RBM47: variants seen among roughly 807,000 people sequenced by gnomAD.
RBM47 encodes RNA binding motif protein 47.
A neutral mutation model predicts 47.1 loss-of-function variants in RBM47; 21 were observed. That is an observed-to-expected ratio of 0.45 (90% confidence interval 0.32 to 0.64). The LOEUF is 0.64. RBM47 is among the 30% of genes least tolerant of loss of function. The pLI is 0.05. For synonymous variants in RBM47, 375 were observed against 361.7 expected (o/e 1.04, Z -0.42); for missense variants, 708 against 870.9 (o/e 0.81, Z 2.35).
At position 40,584,234 on chromosome 4, in the gene RBM47, G is replaced by T. The variant is rs76262646; in HGVS notation, c.-239-39728C>A. On this transcript the variant is annotated intron_variant, in intron 1 of 6. Coordinates refer to ENST00000295971, the MANE Select transcript of RBM47 (RefSeq NM_001098634.2). ...CTGCTCCGGCCTCCCAATGTGCTAGGATTACCAGTATGAGCCACCGTGCTG... is the reference window on the plus strand; with the variant it reads ...CTGCTCCGGCCTCCCAATGTGCTAGTATTACCAGTATGAGCCACCGTGCTG... Among the ~76,000 whole-genome samples the T allele has an allele frequency of 0.018, 2,697 of 152,214 alleles. 148 individuals are homozygous for T. In the East Asian group the frequency reaches 0.19, roughly 11 times the overall value.
intron 2 of RBM47, among the ~76,000 whole-genome samples, chr4:40,517,632 C>A (rs1304476563): frequency 1.3e-5 from 2 of 152,168 alleles, no homozygotes; most frequent in Non-Finnish European, 2.9e-5. Context: ...TTCCGCATCC[C>A]TGAAGTCAAC....
intron 1 of RBM47, among the ~76,000 whole-genome samples, chr4:40,580,833 C>A (rs560384030): frequency 6.6e-6 from 1 of 152,320 alleles, no homozygotes; most frequent in Admixed American, 6.5e-5. Flanking sequence ...CAGAGATTAA[C>A]AGAGATTGGT....
chr4:40,466,187 G>A (rs1272064244), intron 3 of RBM47, among the ~76,000 whole-genome samples: 1 of 149,462 alleles, frequency 6.7e-6, no homozygotes, highest in Non-Finnish European at 1.5e-5. Context: ...AGAATTGCTT[G>A]AACCTGGGAG....
At chr4:40,444,186 G>A (rs2154216225) in intron 3 of RBM47, among the ~76,000 whole-genome samples, 1 of 152,280 alleles carries the variant, frequency 6.6e-6, no homozygotes. Context: ...GCAACAGAGT[G>A]AGAACCTGTC....
chr4:40,555,184 G>A (rs185162695), intron 1 of RBM47, among the ~76,000 whole-genome samples: 3 of 152,250 alleles, frequency 2.0e-5, no homozygotes, highest in East Asian at 1.9e-4. Flanking sequence ...CAATCCACCC[G>A]CCTCAGACTC....
chr4:40,425,855 G>A lies in RBM47; in HGVS notation c.*49C>T, dbSNP rs554684608. The A allele has an allele frequency of 6.3e-6, 10 of 1,585,318 alleles. No homozygotes were observed. The highest frequency in any genetic ancestry group is 5.4e-5 in the African/African-American group (4 of 74,374). ...GTTCCTTCTTCATAAATAGTCAAGC[G>A]TTCCTTCAGTGGTGTTTGTGTGGTC... On this transcript the variant is annotated 3_prime_UTR_variant, in exon 7 of 7. Coordinates refer to ENST00000295971, the MANE Select transcript of RBM47 (RefSeq NM_001098634.2).
intron 4 of RBM47, among the ~76,000 whole-genome samples, chr4:40,437,187 AC>A: frequency 8.1e-6 from 1 of 124,112 alleles, no homozygotes; most frequent in Non-Finnish European, 1.8e-5. Flanking sequence ...ATATATATAT[AC>A]TATTAAATAA....
intron 3 of RBM47, among the ~76,000 whole-genome samples, chr4:40,447,846 T>G (rs897602042): frequency 6.6e-6 from 1 of 151,988 alleles, no homozygotes; most frequent in African/African-American, 2.4e-5. Context: ...CCATCTCTAC[T>G]AAAAATACAA....
intron 3 of RBM47, among the ~76,000 whole-genome samples, chr4:40,453,916 A>C (rs1196953745): frequency 1.3e-5 from 2 of 152,202 alleles, no homozygotes; most frequent in Non-Finnish European, 2.9e-5. Flanking sequence ...TCCCAAGTTA[A>C]TGATAGTTAA....
At chr4:40,606,002 A>C (rs1267594712) in intron 1 of RBM47, among the ~76,000 whole-genome samples, 1 of 151,476 alleles carries the variant, frequency 6.6e-6, no homozygotes, top group Non-Finnish European at 1.5e-5. Flanking sequence ...ATTCGAGACC[A>C]GCCTGGCCAC....
intron 3 of RBM47, among the ~76,000 whole-genome samples, chr4:40,458,641 G>GA (rs984309027): frequency 4.6e-5 from 7 of 152,124 alleles, no homozygotes; most frequent in Non-Finnish European, 8.8e-5. Context: ...TCTGGTGGGG[G>GA]ATCACTTAAA....
intron 1 of RBM47, among the ~76,000 whole-genome samples, chr4:40,596,268 GA>G (rs1734744588): frequency 6.6e-6 from 1 of 152,230 alleles, no homozygotes; most frequent in Non-Finnish European, 1.5e-5. Flanking sequence ...TCATTCCGTG[GA>G]TAGAGGTGGG....
At chr4:40,611,019 C>T (rs188411662) in intron 1 of RBM47, among the ~76,000 whole-genome samples, 8 of 152,278 alleles carry the variant, frequency 5.3e-5, no homozygotes, top group African/African-American at 1.7e-4. Flanking sequence ...GACTAATACA[C>T]TATGTAAATA....
At chr4:40,541,056 C>G (rs951694570) in intron 2 of RBM47, among the ~76,000 whole-genome samples, 6 of 151,862 alleles carry the variant, frequency 4.0e-5, no homozygotes, top group African/African-American at 1.4e-4. Flanking sequence ...CGGGAGGCTA[C>G]GACAAGCGGA....
At chr4:40,471,327 C>T (rs1718831684) in intron 2 of RBM47, among the ~76,000 whole-genome samples, 1 of 152,156 alleles carries the variant, frequency 6.6e-6, no homozygotes, top group Non-Finnish European at 1.5e-5. Context: ...AGTAGACTCC[C>T]AGCTGGCTTC....
At chr4:40,605,796 A>C (rs1578057423) in intron 1 of RBM47, among the ~76,000 whole-genome samples, 1 of 151,896 alleles carries the variant, frequency 6.6e-6, no homozygotes, top group East Asian at 1.9e-4. Context: ...GCACCACTGC[A>C]CTCCAGCCTG....
intron 3 of RBM47, among the ~76,000 whole-genome samples, chr4:40,442,108 G>A (rs1713741183): frequency 6.6e-6 from 1 of 152,216 alleles, no homozygotes; most frequent in East Asian, 1.9e-4. Context: ...TTTTCCCAGT[G>A]ACATGAATTG....
At chr4:40,626,527 A>T (rs1216620840) in intron 1 of RBM47, among the ~76,000 whole-genome samples, 1 of 152,186 alleles carries the variant, frequency 6.6e-6, no homozygotes, top group Non-Finnish European at 1.5e-5. Flanking sequence ...CTAGGACCAC[A>T]TTCAGAACTT....
At chr4:40,622,023 C>T (rs770603536) in intron 1 of RBM47, among the ~76,000 whole-genome samples, 2 of 152,352 alleles carry the variant, frequency 1.3e-5, no homozygotes, top group African/African-American at 2.4e-5. Flanking sequence ...TCGAGTAAAA[C>T]GCATTCAGTC....
Sources: gnomAD v4.1 joint callset for allele counts (sites outside exome capture counted in the v4.1 genomes callset) on GRCh38, gnomAD v4.1.1 for gene constraint, MANE v1.5 for transcripts, NCBI Gene and HGNC (gene_info 2026-07-23, HGNC 2026-07-21) for gene names.